GREM2: variants seen among roughly 807,000 people sequenced by gnomAD.
GREM2 encodes the protein gremlin-2.
A neutral mutation model predicts 14.2 loss-of-function variants in GREM2; 11 were observed. That is an observed-to-expected ratio of 0.78 (90% confidence interval 0.49 to 1.28). The LOEUF (loss-of-function observed/expected upper bound fraction) is 1.28. GREM2 is among the 50% of genes most tolerant of loss of function. The probability of loss-of-function intolerance (pLI) is 0.00; values close to 1 mark genes in which losing one functional copy is unlikely to be tolerated. For missense variants in GREM2, 210 were observed against 218.5 expected (o/e 0.96, Z 0.24); for synonymous variants, 98 against 97.6 (o/e 1.00, Z -0.02).
intron 1 of GREM2, among the ~76,000 whole-genome samples, chr1:240,604,144 C>G (rs1213609157): frequency 6.6e-6 from 1 of 151,714 alleles, no homozygotes; most frequent in South Asian, 2.1e-4. Context: ...GAGGGAGAAC[C>G]CACTCATTAC....
chr1:240,499,326 G>C (rs1194229509), intron 1 of GREM2, among the ~76,000 whole-genome samples: 1 of 152,174 alleles, frequency 6.6e-6, no homozygotes. Flanking sequence ...GTGCAGGAAT[G>C]GTGAATGGCG....
intron 1 of GREM2, among the ~76,000 whole-genome samples, chr1:240,586,689 T>C (rs186946981): frequency 1.3e-5 from 2 of 152,308 alleles, no homozygotes; most frequent in East Asian, 3.9e-4. Context: ...TACAGAATAG[T>C]GGTCAATCAG....
intron 1 of GREM2, among the ~76,000 whole-genome samples, chr1:240,594,858 G>A (rs1018919680): frequency 2.6e-5 from 4 of 152,040 alleles, no homozygotes; most frequent in African/African-American, 4.8e-5. Context: ...ATATGGTATA[G>A]CCTGCTGCTC....
At chr1:240,550,230 A>C (rs1351440001) in intron 1 of GREM2, 1 of 151,994 alleles carries the variant, frequency 6.6e-6, no homozygotes, top group Non-Finnish European at 1.5e-5. Flanking sequence ...CCATGTTGGT[A>C]AGGCTGGTCT....
intron 1 of GREM2, chr1:240,550,271 C>T (rs1339023403): frequency 2.0e-5 from 3 of 152,300 alleles, no homozygotes; most frequent in African/African-American, 7.2e-5. Context: ...ATCCACCCGC[C>T]TCGGCCTCCC....
At chr1:240,555,999 T>G (rs987326161) in intron 1 of GREM2, among the ~76,000 whole-genome samples, 3 of 152,196 alleles carry the variant, frequency 2.0e-5, no homozygotes, top group African/African-American at 7.2e-5. Flanking sequence ...TCTTTACAGG[T>G]TTTAAGAGTT....
At chr1:240,594,858 G>C (rs1018919680) in intron 1 of GREM2, among the ~76,000 whole-genome samples, 3 of 152,040 alleles carry the variant, frequency 2.0e-5, no homozygotes, top group Admixed American at 2.0e-4. Flanking sequence ...ATATGGTATA[G>C]CCTGCTGCTC....
intron 1 of GREM2, among the ~76,000 whole-genome samples, chr1:240,525,106 C>CT (rs1678192822): frequency 6.6e-6 from 1 of 152,194 alleles, no homozygotes; most frequent in Middle Eastern, 3.2e-3. Flanking sequence ...CTGGTACTCA[C>CT]TTCCTTTCTC....
chr1:240,579,699 A>G (rs1679447005), intron 1 of GREM2, among the ~76,000 whole-genome samples: 2 of 152,230 alleles, frequency 1.3e-5, no homozygotes, highest in Admixed American at 1.3e-4. Flanking sequence ...AGGGAGTGCC[A>G]ACGGTTTCTG....
intron 1 of GREM2, chr1:240,530,902 T>C (rs1295248051): frequency 1.5e-4 from 15 of 101,836 alleles, no homozygotes; most frequent in Non-Finnish European, 3.2e-4. Flanking sequence ...ACGAAGGAAA[T>C]GAATGGAAAA....
rs146237662 is a variant in GREM2, at chr1:240,560,753, C to G, written c.-2+51131G>C. Among the ~76,000 whole-genome samples the G allele has an allele frequency of 5.4e-3, 817 of 152,264 alleles. 6 individuals are homozygous for G. Among genetic ancestry groups the G allele is most frequent in the Non-Finnish European group, 6.2e-3 (422 of 68,014 alleles). Reference sequence around the variant, plus strand: ...CAGAATGAAATAGCATAAAGCCCAGCCTTGTATTCAAGCTTTTCTCATCTA... The same window carrying G: ...CAGAATGAAATAGCATAAAGCCCAGGCTTGTATTCAAGCTTTTCTCATCTA... On this transcript the variant is annotated intron_variant, in intron 1 of 1. Transcript: ENST00000318160.
intron 1 of GREM2, among the ~76,000 whole-genome samples, chr1:240,552,751 T>C (rs1372352073): frequency 1.3e-5 from 2 of 152,204 alleles, no homozygotes; most frequent in Admixed American, 1.3e-4. Context: ...ATAATGTCCT[T>C]CTAACCGATT....
chr1:240,499,011 C>T (rs1427738988), intron 1 of GREM2, among the ~76,000 whole-genome samples: 6 of 152,182 alleles, frequency 3.9e-5, no homozygotes, highest in African/African-American at 1.4e-4. Flanking sequence ...GGCCTGGCCT[C>T]TGTAGATACC....
chr1:240,606,658 A>T (rs1413138727), intron 1 of GREM2, among the ~76,000 whole-genome samples: 1 of 151,466 alleles, frequency 6.6e-6, no homozygotes, highest in Non-Finnish European at 1.5e-5. Flanking sequence ...AGTGTGGAAG[A>T]GTTAAGATTG....
At chr1:240,496,981 A>T (rs1421948177) in intron 1 of GREM2, among the ~76,000 whole-genome samples, 1 of 152,090 alleles carries the variant, frequency 6.6e-6, no homozygotes, top group Non-Finnish European at 1.5e-5. Flanking sequence ...AGATCATGCC[A>T]TTGCACTCCA....
intron 1 of GREM2, among the ~76,000 whole-genome samples, chr1:240,568,167 A>G (rs1353826450): frequency 6.6e-6 from 1 of 152,232 alleles, no homozygotes; most frequent in Non-Finnish European, 1.5e-5. Flanking sequence ...TAAATACAAT[A>G]TATGACAATA....
chr1:240,546,894 T>TTACA (rs1457237959), intron 1 of GREM2, among the ~76,000 whole-genome samples: 1 of 152,142 alleles, frequency 6.6e-6, no homozygotes, highest in Non-Finnish European at 1.5e-5. Context: ...GAATGTTTGC[T>TTACA]TACATGTATA....
chr1:240,591,022 T>C (rs1229473489), intron 1 of GREM2, among the ~76,000 whole-genome samples: 6 of 151,762 alleles, frequency 4.0e-5, no homozygotes, highest in South Asian at 4.2e-4. Flanking sequence ...CCTCATGATC[T>C]GCCCTCCTTG....
chr1:240,536,326 T>A (rs1678467782), intron 1 of GREM2, among the ~76,000 whole-genome samples: 1 of 152,062 alleles, frequency 6.6e-6, no homozygotes. Flanking sequence ...GGTCTGATAA[T>A]TAAATGGGAA....
Sources: allele counts gnomAD v4.1 joint callset (sites outside exome capture counted in the v4.1 genomes callset), GRCh38; gene constraint gnomAD v4.1.1; transcripts MANE v1.5; gene names NCBI Gene and HGNC (gene_info 2026-07-23, HGNC 2026-07-21).